PCDHA7: variants seen among roughly 807,000 people sequenced by gnomAD.
PCDHA7 encodes the protein protocadherin alpha 7.
PCDHA7 carries 37 observed loss-of-function variants against 57.2 expected under a neutral mutation model. The ratio of observed to expected loss-of-function variants is 0.65; its 90% CI spans 0.50 to 0.85. PCDHA7 has a LOEUF of 0.85. Ranked by LOEUF, PCDHA7 falls within the 40% of genes least tolerant of loss-of-function variation. PCDHA7 has a pLI of 0.00. For synonymous variants in PCDHA7, 553 were observed against 558.8 expected (o/e 0.99, Z 0.15); for missense variants, 1,188 against 1,241.8 (o/e 0.96, Z 0.65).
At chr5:140,967,138 G>A in intron 1 of PCDHA7, 1 of 1,611,568 alleles carries the variant, frequency 6.2e-7, no homozygotes, top group Middle Eastern at 1.7e-4. Flanking sequence ...TGGAAGTGCT[G>A]GCGCACAACC....
rs782251882 is a variant in PCDHA7 at position 140,869,140 on chromosome 5, C to T, written c.2355+32402C>T. 4 of 1,613,188 alleles carry T rather than the reference C, an allele frequency of 2.5e-6. No homozygotes were observed. In the South Asian group the frequency reaches 3.3e-5, roughly 13 times the overall value. On this transcript the variant is annotated intron_variant, in intron 1 of 3. Coordinates refer to ENST00000525929, the MANE Select transcript of PCDHA7 (RefSeq NM_018910.3). ...TCAGAGAAGGGGATTGGGCACCCCA[C>T]GACTACAGCTCTGGCTTCTCCTCCT...
In PCDHA7 at chr5:140,857,194, A is replaced by G. The variant is rs187713139; in HGVS notation, c.2355+20456A>G. On this transcript the variant is annotated intron_variant, in intron 1 of 3. Transcript: ENST00000525929. ...CTGACCATGATTCAGGAGCCAACGG[A>G]CAGGTCACCTGCTCTCTGACGCCTC... 4 of 1,598,542 alleles carry G rather than the reference A, an allele frequency of 2.5e-6. 1 individual carries two copies. The highest frequency in any genetic ancestry group is 1.3e-5 in the African/African-American group (1 of 74,440).
chr5:140,936,077 G>A (rs2090754379), intron 1 of PCDHA7, among the ~76,000 whole-genome samples: 1 of 151,980 alleles, frequency 6.6e-6, no homozygotes, highest in South Asian at 2.1e-4. Flanking sequence ...ACTTTTAGTA[G>A]AGACAGGGTT....
At chr5:140,897,560 T>C (rs1398247980) in intron 1 of PCDHA7, among the ~76,000 whole-genome samples, 1 of 152,200 alleles carries the variant, frequency 6.6e-6, no homozygotes, top group Non-Finnish European at 1.5e-5. Flanking sequence ...GGTGTATATG[T>C]GCCACATTTT....
chr5:141,010,461 G>C lies in PCDHA7; in HGVS notation c.*524G>C. The C allele has an allele frequency of 1.2e-6, 1 of 823,014 alleles. No individual in the cohort carries two copies. The highest frequency in any genetic ancestry group is 1.8e-6 in the Non-Finnish European group (1 of 553,022). The allele number at this position is 823,014 out of a possible 1,614,324, so 51.0% of individuals were successfully genotyped here. A position where few individuals can be genotyped will look rare whatever the true frequency, so the allele number is the denominator to read the frequency against. On this transcript the variant is annotated 3_prime_UTR_variant, in exon 4 of 4. Coordinates refer to ENST00000525929, the MANE Select transcript of PCDHA7 (RefSeq NM_018910.3). ...GACAAATAAACAGCGGAAGTTATCAGTATGGAGGGGAAGTGTAAACTTAAA... is the reference window on the plus strand; with the variant it reads ...GACAAATAAACAGCGGAAGTTATCACTATGGAGGGGAAGTGTAAACTTAAA...
In PCDHA7 at chr5:140,882,516, T is replaced by C. The variant is rs782263799; in HGVS notation, c.2355+45778T>C. ...CTGGAGGTAAATCTGCAGAATGGCA[T>C]TTTGTTTGTGAATTCTCGGATCGAC... is the stretch of plus-strand genomic sequence containing the variant. On this transcript the variant is annotated intron_variant, in intron 1 of 3. Coordinates refer to ENST00000525929, the MANE Select transcript of PCDHA7 (RefSeq NM_018910.3). 1.4e-5 allele frequency: 22 copies of C among 1,614,068 alleles called. No individual in the cohort carries two copies. The highest frequency in any genetic ancestry group is 4.0e-5 in the African/African-American group (3 of 74,944).
intron 2 of PCDHA7, 148 bp from the exon 3 acceptor site, chr5:140,982,327 C>T: frequency 7.0e-7 from 1 of 1,419,146 alleles, no homozygotes; most frequent in Non-Finnish European, 9.4e-7. Context: ...AGGGTGACTG[C>T]TCAGCAGTAA....
In PCDHA7 at chr5:140,927,340, G is replaced by A. The variant is rs77098674; in HGVS notation, c.2356-51609G>A. ...CCGCTTTACTCTCCCGAATGCCCAAGATGACGACGAGGGAAGCAATGGGAT... is the reference window on the plus strand; with the variant it reads ...CCGCTTTACTCTCCCGAATGCCCAAAATGACGACGAGGGAAGCAATGGGAT... On this transcript the variant is annotated intron_variant, in intron 1 of 3. Coordinates refer to ENST00000525929, the MANE Select transcript of PCDHA7 (RefSeq NM_018910.3). The A allele has an allele frequency of 8.1e-6, 13 of 1,614,032 alleles. No individual in the cohort carries two copies. The African/African-American group carries it at 1.5e-4, about 18-fold the overall frequency.
chr5:140,966,702 G>T, intron 1 of PCDHA7: 1 of 1,367,880 alleles, frequency 7.3e-7, no homozygotes. Flanking sequence ...GCCCGGGCGT[G>T]GGGCACGGCT....
In PCDHA7 at chr5:140,884,002, C is replaced by G. The variant is rs1189374158; in HGVS notation, c.2355+47264C>G. 26 of 1,612,788 alleles carry G rather than the reference C, an allele frequency of 1.6e-5. No individual in the cohort carries two copies. Among genetic ancestry groups the G allele is most frequent in the Non-Finnish European group, 2.2e-5 (26 of 1,179,570 alleles). Reference sequence around the variant, plus strand: ...CTGGCAGCGCGGGAGGCACAGTGAGCGAGCTGATGCCGCGGTCGGTGGGTG... The same window carrying G: ...CTGGCAGCGCGGGAGGCACAGTGAGGGAGCTGATGCCGCGGTCGGTGGGTG... On this transcript the variant is annotated intron_variant, in intron 1 of 3. Coordinates refer to ENST00000525929, the MANE Select transcript of PCDHA7 (RefSeq NM_018910.3).
At chr5:140,842,221 A>G (rs1420540390) in intron 1 of PCDHA7, 1 of 1,613,116 alleles carries the variant, frequency 6.2e-7, no homozygotes, top group Non-Finnish European at 8.5e-7. Context: ...GAAATACGGG[A>G]GAAATAGTGA....
intron 1 of PCDHA7, chr5:140,967,964 G>T: frequency 6.2e-7 from 1 of 1,614,210 alleles, no homozygotes. Flanking sequence ...CAACCGGAAA[G>T]TGAGCCTGGG....
chr5:140,978,295 A>G (rs1222694864), intron 1 of PCDHA7, among the ~76,000 whole-genome samples: 2 of 152,246 alleles, frequency 1.3e-5, no homozygotes, highest in Non-Finnish European at 2.9e-5. Context: ...GAGGAGGGAA[A>G]GCACTCAGGA....
At chr5:140,973,984 C>CT (rs2096610197) in intron 1 of PCDHA7, among the ~76,000 whole-genome samples, 1 of 152,186 alleles carries the variant, frequency 6.6e-6, no homozygotes, top group East Asian at 1.9e-4. Flanking sequence ...TTTTACAGAA[C>CT]TTCACCTGGA....
intron 1 of PCDHA7, chr5:140,861,500 C>A: frequency 6.2e-6 from 3 of 482,022 alleles, no homozygotes; most frequent in South Asian, 1.6e-5. Flanking sequence ...CTCTGATAGA[C>A]CTCGAGGAGC....
At chr5:140,910,891 C>T (rs1273456408) in intron 1 of PCDHA7, among the ~76,000 whole-genome samples, 1 of 152,176 alleles carries the variant, frequency 6.6e-6, no homozygotes, top group Admixed American at 6.5e-5. Context: ...ATATCCATTC[C>T]TATGCCTGTC....
intron 1 of PCDHA7, chr5:140,862,831 G>C (rs782083560): frequency 1.0e-5 from 6 of 572,658 alleles, no homozygotes; most frequent in African/African-American, 7.9e-5. Flanking sequence ...AGCGCGCGAC[G>C]CGGGCATGCC....
chr5:140,869,813 A>G, intron 1 of PCDHA7: 2 of 1,612,416 alleles, frequency 1.2e-6, no homozygotes, highest in Non-Finnish European at 1.7e-6. Context: ...GATGTCAACG[A>G]CAATGATCCA....
chr5:140,838,630 TG>T (rs1775811186), intron 1 of PCDHA7, among the ~76,000 whole-genome samples: 3 of 152,046 alleles, frequency 2.0e-5, no homozygotes, highest in African/African-American at 7.3e-5. Flanking sequence ...ACAAATAATT[TG>T]GTTGGTCAAA....
Sources: allele counts gnomAD v4.1 joint callset (sites outside exome capture counted in the v4.1 genomes callset), GRCh38; gene constraint gnomAD v4.1.1; transcripts MANE v1.5; gene names NCBI Gene and HGNC (gene_info 2026-07-23, HGNC 2026-07-21).